The following TRIM44 variants were observed in gnomAD, a reference collection of about 807,000 sequenced individuals.
TRIM44 encodes the protein tripartite motif-containing protein 44.
In TRIM44, 13 loss-of-function variants were observed where a neutral mutation model predicts 37.4. The ratio of observed to expected loss-of-function variants is 0.35; its 90% CI spans 0.23 to 0.55. TRIM44 has a LOEUF of 0.55. TRIM44 is among the 20% of genes least tolerant of loss of function. The pLI is 0.89. For missense variants in TRIM44, 426 were observed against 437.2 expected, an observed-to-expected ratio of 0.97 and a Z score of 0.23; for synonymous variants, 175 against 157.2, an observed-to-expected ratio of 1.11 and a Z score of -0.85.
chr11:35,764,070 T>C (rs1852761479), intron 4 of TRIM44, among the ~76,000 whole-genome samples: 1 of 152,168 alleles, frequency 6.6e-6, no homozygotes, highest in Non-Finnish European at 1.5e-5. Flanking sequence ...GGCCAACTCT[T>C]TCTTCTTCTC....
Position 35,816,604 on chromosome 11 carries a change from T to G in TRIM44, c.*10219T>G, listed in dbSNP as rs1029403806. On this transcript the variant is annotated 3_prime_UTR_variant, in exon 5 of 5. Coordinates refer to ENST00000299413, the MANE Select transcript of TRIM44 (RefSeq NM_017583.6). ...TGTTGGGAGGAAACTGTTAACATTGTGAACCACTTGACCCTAGTGTTGCAT... is the reference window on the plus strand; with the variant it reads ...TGTTGGGAGGAAACTGTTAACATTGGGAACCACTTGACCCTAGTGTTGCAT... 3.9e-5 allele frequency: 6 copies of G among 152,342 alleles called. No homozygotes were observed. The East Asian group carries it at 1.2e-3, about 29-fold the overall frequency. The allele number at this position is 152,342 out of a possible 1,614,324, so 9.4% of individuals were successfully genotyped here.
At chr11:35,770,127 A>C (rs966632669) in intron 4 of TRIM44, among the ~76,000 whole-genome samples, 4 of 152,238 alleles carry the variant, frequency 2.6e-5, no homozygotes, top group African/African-American at 9.6e-5. Context: ...CCCAGTATTC[A>C]GCTCCCACTT....
At position 35,779,762 on chromosome 11, in the gene TRIM44, G is replaced by GT. The variant is rs372152875; in HGVS notation, c.1008-26587dup. On this transcript the variant is annotated intron_variant, in intron 4 of 4. Transcript: ENST00000299413. ...TCTTGTGTTTAAATCTTTAATCTGA[G>GT]TTTTTTTTTGTATATGGTAAAAGGT... 3.5e-3 allele frequency among the ~76,000 whole-genome samples: 531 copies of GT among 150,734 alleles called. 1 individual carries two copies. The highest frequency in any genetic ancestry group is 0.012 in the African/African-American group (473 of 41,104).
intron 2 of TRIM44, among the ~76,000 whole-genome samples, chr11:35,703,845 T>C (rs1851833935): frequency 6.6e-6 from 1 of 152,024 alleles, no homozygotes; most frequent in Non-Finnish European, 1.5e-5. Flanking sequence ...CTCTAAAAAG[T>C]AGAGTGCCTC....
chr11:35,688,074 A>G (rs959662851), intron 2 of TRIM44, among the ~76,000 whole-genome samples: 21 of 152,142 alleles, frequency 1.4e-4, no homozygotes, highest in African/African-American at 5.1e-4. Flanking sequence ...TTCCAAGACA[A>G]CCCTTAAGTT....
At chr11:35,776,990 G>A (rs1852976157) in intron 4 of TRIM44, among the ~76,000 whole-genome samples, 2 of 152,192 alleles carry the variant, frequency 1.3e-5, no homozygotes, top group African/African-American at 4.8e-5. Flanking sequence ...GCAGAGCTGA[G>A]TTCAAGTCCT....
Position 35,702,073 on chromosome 11 carries a change from T to C in TRIM44, c.747+16737T>C, listed in dbSNP as rs141587055. ...GCAAGTTGCCACCCAAGGGGTTATA[T>C]GGGGTAACCCAGTCAACATTTTTCA... On this transcript the variant is annotated intron_variant, in intron 2 of 4. Transcript: ENST00000299413. Among the ~76,000 whole-genome samples, 452 of 152,340 alleles carry C rather than the reference T, an allele frequency of 3.0e-3. 1 individual carries two copies. Among genetic ancestry groups the C allele is most frequent in the African/African-American group, 0.01 (416 of 41,568 alleles).
intron 2 of TRIM44, among the ~76,000 whole-genome samples, chr11:35,709,011 T>C (rs1046395732): frequency 6.7e-6 from 1 of 149,172 alleles, no homozygotes; most frequent in African/African-American, 2.4e-5. Context: ...AGAACTTTAC[T>C]GAGAGGAGGA....
At chr11:35,796,887 G>A (rs1337489329) in intron 4 of TRIM44, among the ~76,000 whole-genome samples, 1 of 152,218 alleles carries the variant, frequency 6.6e-6, no homozygotes, top group African/African-American at 2.4e-5. Flanking sequence ...CCCATGCCAG[G>A]TCATCTCCCT....
At chr11:35,701,263 T>G (rs545466304) in intron 2 of TRIM44, among the ~76,000 whole-genome samples, 2 of 152,168 alleles carry the variant, frequency 1.3e-5, no homozygotes, top group Non-Finnish European at 2.9e-5. Flanking sequence ...AGGTCTGTTT[T>G]TTTTCCCCCC....
chr11:35,715,487 A>G (rs1260778940), intron 2 of TRIM44, among the ~76,000 whole-genome samples: 1 of 151,830 alleles, frequency 6.6e-6, no homozygotes, highest in African/African-American at 2.4e-5. Flanking sequence ...TGGAGGAGGG[A>G]GAACCATGAA....
At chr11:35,694,465 T>C (rs538432200) in intron 2 of TRIM44, among the ~76,000 whole-genome samples, 2 of 152,142 alleles carry the variant, frequency 1.3e-5, no homozygotes, top group Non-Finnish European at 2.9e-5. Flanking sequence ...TTATAAAGTA[T>C]AAGGTTATCC....
chr11:35,732,639 C>T (rs1345831703), intron 3 of TRIM44, among the ~76,000 whole-genome samples: 2 of 152,076 alleles, frequency 1.3e-5, no homozygotes, highest in African/African-American at 4.8e-5. Flanking sequence ...TGTAGAGTGG[C>T]AAACCCTACA....
chr11:35,802,194 C>T (rs1322355426), intron 4 of TRIM44, among the ~76,000 whole-genome samples: 1 of 152,088 alleles, frequency 6.6e-6, no homozygotes, highest in Non-Finnish European at 1.5e-5. Context: ...AACATTAGCA[C>T]ACACCTCATG....
chr11:35,738,563 A>G (rs1852354281), intron 4 of TRIM44, among the ~76,000 whole-genome samples: 1 of 152,124 alleles, frequency 6.6e-6, no homozygotes, highest in Non-Finnish European at 1.5e-5. Flanking sequence ...TGTTGGTTCA[A>G]TTCACTTTAT....
At chr11:35,703,187 C>T (rs975240737) in intron 2 of TRIM44, among the ~76,000 whole-genome samples, 6 of 152,160 alleles carry the variant, frequency 3.9e-5, no homozygotes, top group South Asian at 4.1e-4. Flanking sequence ...ACCTGCAAGG[C>T]GGAAGCAAGG....
Position 35,732,150 on chromosome 11 carries a change from T to C in TRIM44, c.988-3276T>C, listed in dbSNP as rs575430981. On this transcript the variant is annotated intron_variant, in intron 3 of 4. Transcript: ENST00000299413. ...GTGGATGCATTCAACTTAGTTCTTA[T>C]GTGAGCAAGTTATCTCTCTTGCATT... Among the ~76,000 whole-genome samples, 314 of 152,344 alleles carry C rather than the reference T, an allele frequency of 2.1e-3. 1 individual carries two copies. The highest frequency in any genetic ancestry group is 3.8e-3 in the Non-Finnish European group (257 of 68,024).
chr11:35,668,374 A>G (rs1851354596), intron 1 of TRIM44, among the ~76,000 whole-genome samples: 1 of 152,094 alleles, frequency 6.6e-6, no homozygotes, highest in Non-Finnish European at 1.5e-5. Context: ...CCCACCCCCT[A>G]TCCACTGACA....
intron 4 of TRIM44, among the ~76,000 whole-genome samples, chr11:35,770,077 T>TC (rs1280683057): frequency 6.6e-6 from 1 of 152,114 alleles, no homozygotes; most frequent in Admixed American, 6.5e-5. Context: ...CGTCTAGTAG[T>TC]CCCTAGTGTC....
Sources: gnomAD v4.1 joint callset for allele counts (sites outside exome capture counted in the v4.1 genomes callset) on GRCh38, gnomAD v4.1.1 for gene constraint, MANE v1.5 for transcripts, NCBI Gene and HGNC (gene_info 2026-07-23, HGNC 2026-07-21) for gene names.